The following STK39 variants were observed in gnomAD, a reference collection of about 807,000 sequenced individuals.
STK39 encodes serine/threonine kinase 39, also known as STE20/SPS1-related proline-alanine-rich protein kinase.
In STK39, 20 loss-of-function variants were observed where a neutral mutation model predicts 77.8. That is an observed-to-expected ratio of 0.26 (90% confidence interval 0.18 to 0.37). The LOEUF (loss-of-function observed/expected upper bound fraction) is 0.37, where lower values mean the gene tolerates loss of function less well. Ranked by LOEUF, STK39 falls within the 10% of genes least tolerant of loss-of-function variation. The probability of loss-of-function intolerance (pLI) is 1.00; values close to 1 mark genes in which losing one functional copy is unlikely to be tolerated. For synonymous variants in STK39, 246 were observed against 234.1 expected (o/e 1.05, Z -0.47); for missense variants, 479 against 656.5 (o/e 0.73, Z 2.95).
intron 14 of STK39, among the ~76,000 whole-genome samples, chr2:168,060,062 A>C (rs1442594209): frequency 6.6e-6 from 1 of 152,190 alleles, no homozygotes; most frequent in African/African-American, 2.4e-5. Context: ...GTGATCACAA[A>C]AAAGTAATAC....
chr2:168,132,299 T>C (rs1687718049), intron 8 of STK39, among the ~76,000 whole-genome samples: 1 of 152,114 alleles, frequency 6.6e-6, no homozygotes, highest in Non-Finnish European at 1.5e-5. Flanking sequence ...CTGGCTAATA[T>C]AGTTAAATAA....
chr2:168,153,412 G>C (rs1688340550), intron 5 of STK39, among the ~76,000 whole-genome samples: 1 of 152,168 alleles, frequency 6.6e-6, no homozygotes, highest in African/African-American at 2.4e-5. Flanking sequence ...ACTTCAGCCT[G>C]CTTCAGAACC....
chr2:168,161,105 C>A (rs902151652), intron 5 of STK39, among the ~76,000 whole-genome samples: 2 of 152,250 alleles, frequency 1.3e-5, no homozygotes, highest in East Asian at 1.9e-4. Context: ...GAACACTCCC[C>A]CAAGAAACCA....
chr2:168,117,627 G>C (rs1687292124), intron 10 of STK39, among the ~76,000 whole-genome samples: 1 of 152,214 alleles, frequency 6.6e-6, no homozygotes, highest in South Asian at 2.1e-4. Flanking sequence ...TCACAGAAAA[G>C]ATGCTAGGCT....
At chr2:168,206,177 T>G (rs1262703582) in intron 1 of STK39, among the ~76,000 whole-genome samples, 1 of 152,246 alleles carries the variant, frequency 6.6e-6, no homozygotes, top group East Asian at 1.9e-4. Flanking sequence ...GGCCCACAGC[T>G]GGCATATCTA....
intron 14 of STK39, 48 bp from the exon 15 acceptor site, chr2:168,017,143 T>A: frequency 7.4e-7 from 1 of 1,342,974 alleles, no homozygotes; most frequent in Non-Finnish European, 1.0e-6. Context: ...AAGCAGAGTT[T>A]AGTCGAACTA....
At chr2:168,053,028 A>T (rs563913353) in intron 14 of STK39, among the ~76,000 whole-genome samples, 25 of 152,328 alleles carry the variant, frequency 1.6e-4, no homozygotes, top group African/African-American at 5.1e-4. Context: ...GGGCTTACTC[A>T]GTTCTGTATC....
At chr2:168,051,872 C>A (rs530607740) in intron 14 of STK39, among the ~76,000 whole-genome samples, 2 of 152,288 alleles carry the variant, frequency 1.3e-5, no homozygotes, top group South Asian at 4.1e-4. Context: ...CCTGAAAATG[C>A]CCTGCCTCAG....
intron 14 of STK39, among the ~76,000 whole-genome samples, chr2:168,047,871 T>C (rs577482133): frequency 2.0e-5 from 3 of 152,350 alleles, no homozygotes; most frequent in South Asian, 2.1e-4. Context: ...CCAGGTATGC[T>C]TGACAGCATC....
chr2:168,183,744 C>T (rs868787135), intron 1 of STK39, among the ~76,000 whole-genome samples: 1 of 152,226 alleles, frequency 6.6e-6, no homozygotes, highest in African/African-American at 2.4e-5. Flanking sequence ...CATCCATCAG[C>T]TGCTACCCCA....
chr2:168,004,609 T>C (rs1684079566), intron 16 of STK39, among the ~76,000 whole-genome samples: 1 of 151,706 alleles, frequency 6.6e-6, no homozygotes, highest in South Asian at 2.1e-4. Context: ...GGTGGGTGCC[T>C]GTAGTCCCAG....
intron 2 of STK39, among the ~76,000 whole-genome samples, chr2:168,171,971 C>A (rs750543944): frequency 4.0e-5 from 6 of 151,640 alleles, no homozygotes. Flanking sequence ...AAGGGCCGCA[C>A]TCTATGTCAC....
chr2:168,144,940 C>A (rs1688095561), intron 5 of STK39, among the ~76,000 whole-genome samples: 1 of 150,412 alleles, frequency 6.6e-6, no homozygotes, highest in African/African-American at 2.4e-5. Context: ...ATGATCATGC[C>A]ACTGCACTCC....
intron 1 of STK39, among the ~76,000 whole-genome samples, chr2:168,236,931 G>A (rs1264698618): frequency 9.2e-5 from 14 of 151,992 alleles, no homozygotes; most frequent in Admixed American, 3.9e-4. Context: ...TGGCAATGCG[G>A]GCTTTTTGGT....
intron 1 of STK39, among the ~76,000 whole-genome samples, chr2:168,235,523 T>C (rs1690579424): frequency 6.6e-6 from 1 of 151,950 alleles, no homozygotes. Flanking sequence ...TGTATACATG[T>C]GCCATGTTGG....
chr2:167,963,975 T>A (rs1416041458), intron 17 of STK39, among the ~76,000 whole-genome samples: 2 of 152,220 alleles, frequency 1.3e-5, no homozygotes, highest in African/African-American at 4.8e-5. Context: ...TCGCTAAAAT[T>A]TTTTGGAAAA....
intron 1 of STK39, among the ~76,000 whole-genome samples, chr2:168,199,880 C>A (rs969629523): frequency 6.6e-6 from 1 of 152,098 alleles, no homozygotes; most frequent in African/African-American, 2.4e-5. Context: ...AAAAAGAGCC[C>A]AAAAGGACAT....
In STK39 at chr2:167,984,703, T is replaced by C. The variant is rs185554939; in HGVS notation, c.1499-19977A>G. Among the ~76,000 whole-genome samples the C allele has an allele frequency of 2.7e-3, 415 of 152,314 alleles. 2 individuals are homozygous for C. Among genetic ancestry groups the C allele is most frequent in the African/African-American group, 9.4e-3 (389 of 41,568 alleles). Reference sequence around the variant, plus strand: ...AACATAAAATTTTGGCTTGGCTTTGTAAACATAAAATATTTTTAACAGTTG... The same window carrying C: ...AACATAAAATTTTGGCTTGGCTTTGCAAACATAAAATATTTTTAACAGTTG... On this transcript the variant is annotated intron_variant, in intron 16 of 17. Transcript: ENST00000355999.
intron 16 of STK39, among the ~76,000 whole-genome samples, chr2:167,992,327 C>A (rs1456858040): frequency 6.6e-6 from 1 of 152,054 alleles, no homozygotes; most frequent in African/African-American, 2.4e-5. Flanking sequence ...AACCTGCCCC[C>A]CAACAACAAC....
Sources: gnomAD v4.1 joint callset for allele counts (sites outside exome capture counted in the v4.1 genomes callset) on GRCh38, gnomAD v4.1.1 for gene constraint, MANE v1.5 for transcripts, NCBI Gene and HGNC (gene_info 2026-07-23, HGNC 2026-07-21) for gene names.